Variants in CYTH1 observed in about 807,000 individuals in gnomAD.
CYTH1 encodes the protein cytohesin 1.
A neutral mutation model predicts 61.8 loss-of-function variants in CYTH1; 18 were observed. The observed-to-expected ratio is 0.29, with a 90% CI of 0.20 to 0.43. The LOEUF (loss-of-function observed/expected upper bound fraction) is 0.43. CYTH1 is among the 20% of genes least tolerant of loss of function. CYTH1 has a pLI of 1.00. For synonymous variants in CYTH1, 174 were observed against 184.3 expected (o/e 0.94, Z 0.45); for missense variants, 336 against 510.5 (o/e 0.66, Z 3.29).
intron 7 of CYTH1, among the ~76,000 whole-genome samples, chr17:78,699,573 A>T (rs761970086): frequency 6.6e-6 from 1 of 152,090 alleles, no homozygotes; most frequent in Non-Finnish European, 1.5e-5. Flanking sequence ...AAACAAAATG[A>T]CCTGTAATGA....
chr17:78,764,455 C>T (rs1474382044), intron 1 of CYTH1, among the ~76,000 whole-genome samples: 1 of 151,962 alleles, frequency 6.6e-6, no homozygotes, highest in Non-Finnish European at 1.5e-5. Flanking sequence ...GCCACCGCGC[C>T]CGGCCTAAAT....
chr17:78,728,924 A>G (rs1291206165), intron 1 of CYTH1, among the ~76,000 whole-genome samples: 1 of 152,222 alleles, frequency 6.6e-6, no homozygotes, highest in Non-Finnish European at 1.5e-5. Context: ...GTAAAATAAA[A>G]CCTGAATAAT....
intron 1 of CYTH1, among the ~76,000 whole-genome samples, chr17:78,750,069 CAT>C (rs1336150913): frequency 1.3e-5 from 2 of 152,140 alleles, no homozygotes; most frequent in Admixed American, 1.3e-4. Flanking sequence ...AGGAAGGGAA[CAT>C]GAGATATGGG....
chr17:78,680,639 T>C (rs2092750930), intron 12 of CYTH1, among the ~76,000 whole-genome samples: 2 of 152,038 alleles, frequency 1.3e-5, no homozygotes. Flanking sequence ...GCCAGTAACA[T>C]CCTGACAGCC....
chr17:78,709,499 C>T (rs898614723), intron 2 of CYTH1, 151 bp downstream of exon 2: 1 of 694,542 alleles, frequency 1.4e-6, no homozygotes, highest in African/African-American at 1.8e-5. Flanking sequence ...GGAAAGGTGA[C>T]TGATTATCAA....
At chr17:78,742,375 G>T (rs1057137698) in intron 1 of CYTH1, among the ~76,000 whole-genome samples, 2 of 152,222 alleles carry the variant, frequency 1.3e-5, no homozygotes, top group African/African-American at 4.8e-5. Context: ...TAGCCTGGGA[G>T]AGAAGGTGGG....
rs756798702 is a variant in CYTH1 at position 78,700,382 on chromosome 17, C to T, written c.499G>A (p.Ala167Thr). 2 of 1,613,602 alleles carry T rather than the reference C, an allele frequency of 1.2e-6. No individual in the cohort carries two copies. Among genetic ancestry groups the T allele is most frequent in the Non-Finnish European group, 8.5e-7 (1 of 1,179,790 alleles). Reference sequence around the variant, plus strand: ...CACTGACAATATCGCTGGGCAAACGCCTCCATCATCCGGTCGATCTTCTGG... The same window carrying T: ...CACTGACAATATCGCTGGGCAAACGTCTCCATCATCCGGTCGATCTTCTGG... ...EAQKIDRMME[A>T]FAQRYCQCNN... is the part of the protein sequence containing the mutation. The change falls in exon 7 of 14, where the codon GCG (alanine) becomes ACG (threonine). Residue 167 changes from alanine to threonine, a missense_variant. Around this residue, in one of 4 missense-constraint regions of CYTH1, gnomAD observed 125 missense variants for 209.9 expected, o/e 0.60. Coordinates refer to ENST00000446868, the MANE Select transcript of CYTH1 (RefSeq NM_004762.6). This position sits in a 1 kb window ranked among gnomAD's most constrained non-coding sequence, Gnocchi z 5.1.
At chr17:78,677,213 T>C (rs1432359385) in intron 13 of CYTH1, 4 of 392,068 alleles carry the variant, frequency 1.0e-5, no homozygotes, top group Middle Eastern at 4.5e-4. Flanking sequence ...CCGGGACACC[T>C]GCTTTCATGT....
At chr17:78,766,985 A>C (rs114043528) in intron 1 of CYTH1, among the ~76,000 whole-genome samples, 2,102 of 152,308 alleles carry the variant, frequency 0.014, 51 homozygotes, top group African/African-American at 0.047. Context: ...AAATCAGTAC[A>C]GTATTTGTTG....
chr17:78,762,781 G>A (rs1567881165), intron 1 of CYTH1, among the ~76,000 whole-genome samples: 1 of 152,172 alleles, frequency 6.6e-6, no homozygotes, highest in Admixed American at 6.5e-5. Context: ...GCAGGAAGGA[G>A]CTAAGAGCCA....
chr17:78,730,145 G>A (rs776966001), intron 1 of CYTH1, among the ~76,000 whole-genome samples: 11 of 151,970 alleles, frequency 7.2e-5, no homozygotes, highest in East Asian at 3.8e-4. Context: ...GTGGTCTCTC[G>A]TCTGAATTCT....
intron 1 of CYTH1, among the ~76,000 whole-genome samples, chr17:78,770,404 G>GT (rs1299164671): frequency 2.7e-5 from 4 of 150,666 alleles, no homozygotes; most frequent in Admixed American, 6.6e-5. Context: ...AAATAGGCGG[G>GT]TTTTTTTTGT....
intron 11 of CYTH1, among the ~76,000 whole-genome samples, chr17:78,687,904 A>T (rs1208485450): frequency 6.6e-6 from 1 of 152,170 alleles, no homozygotes; most frequent in East Asian, 1.9e-4. Context: ...CAACTCAGAA[A>T]CTCTGGCCAG....
intron 1 of CYTH1, among the ~76,000 whole-genome samples, chr17:78,772,488 G>C (rs1225598566): frequency 6.6e-6 from 1 of 152,190 alleles, no homozygotes; most frequent in Non-Finnish European, 1.5e-5. Flanking sequence ...TTAGAAAGGA[G>C]CAGGTATGAG....
chr17:78,704,667 G>A (rs2093047175), intron 3 of CYTH1, among the ~76,000 whole-genome samples: 1 of 152,126 alleles, frequency 6.6e-6, no homozygotes, highest in Non-Finnish European at 1.5e-5. Flanking sequence ...ACTACAAGCA[G>A]ATACTACCAC....
At chr17:78,698,039 T>G (rs1024063327) in intron 9 of CYTH1, among the ~76,000 whole-genome samples, 5 of 152,194 alleles carry the variant, frequency 3.3e-5, no homozygotes, top group Non-Finnish European at 5.9e-5. Context: ...AGAACAGAAC[T>G]CATACCAAAG....
At chr17:78,734,169 G>A (rs1051114305) in intron 1 of CYTH1, among the ~76,000 whole-genome samples, 5 of 151,760 alleles carry the variant, frequency 3.3e-5, no homozygotes, top group Admixed American at 2.6e-4. Flanking sequence ...AGAATCGCTT[G>A]AACCCAGGAG....
intron 1 of CYTH1, among the ~76,000 whole-genome samples, chr17:78,752,650 C>T (rs2093384979): frequency 1.3e-5 from 2 of 152,040 alleles, no homozygotes; most frequent in African/African-American, 2.4e-5. Context: ...AGGCTGGCCG[C>T]AAACTCCTGA....
intron 1 of CYTH1, among the ~76,000 whole-genome samples, chr17:78,756,979 CTT>C (rs1014223113): frequency 3.5e-5 from 5 of 141,544 alleles, no homozygotes; most frequent in Admixed American, 7.4e-5. Context: ...GAATTTTTTT[CTT>C]TTTTTTCTTT....
Sources: allele counts gnomAD v4.1 joint callset (sites outside exome capture counted in the v4.1 genomes callset), GRCh38; gene constraint gnomAD v4.1.1; regional missense constraint gnomAD v4.1.1; non-coding constraint Gnocchi (gnomAD v3.1); transcripts MANE v1.5; gene names NCBI Gene and HGNC (gene_info 2026-07-23, HGNC 2026-07-21).